Variants in TRERF1 observed in about 807,000 individuals in gnomAD.
TRERF1 encodes the protein transcriptional regulating factor 1, also known as transcriptional-regulating factor 1.
In TRERF1, 27 loss-of-function variants were observed where a neutral mutation model predicts 122.9. The observed-to-expected ratio is 0.22, with a 90% CI of 0.16 to 0.30. The LOEUF is 0.30. Ranked by LOEUF, TRERF1 falls within the 10% of genes least tolerant of loss-of-function variation. The probability of loss-of-function intolerance (pLI) is 1.00; values close to 1 mark genes in which losing one functional copy is unlikely to be tolerated. For missense variants in TRERF1, 1,248 were observed against 1,560.3 expected (o/e 0.80, Z 3.37); for synonymous variants, 636 against 641.7 (o/e 0.99, Z 0.13).
At chr6:42,281,046 C>T in intron 4 of TRERF1, among the ~76,000 whole-genome samples, 1 of 152,138 alleles carries the variant, frequency 6.6e-6, no homozygotes, top group Non-Finnish European at 1.5e-5. Flanking sequence ...TACTGAGAGG[C>T]CTCAGGGGAT....
chr6:42,328,108 C>A (rs565255963), intron 3 of TRERF1, among the ~76,000 whole-genome samples: 1 of 148,638 alleles, frequency 6.7e-6, no homozygotes, highest in Non-Finnish European at 1.5e-5. Flanking sequence ...CGGGTTCAGG[C>A]GATTCTCATG....
intron 2 of TRERF1, among the ~76,000 whole-genome samples, chr6:42,417,572 T>C (rs1385290745): frequency 6.6e-6 from 1 of 151,946 alleles, no homozygotes; most frequent in Non-Finnish European, 1.5e-5. Context: ...TCCAAGGGTA[T>C]AAAGAGGAGG....
At chr6:42,279,228 G>A (rs1400262400) in intron 4 of TRERF1, among the ~76,000 whole-genome samples, 1 of 152,148 alleles carries the variant, frequency 6.6e-6, no homozygotes, top group African/African-American at 2.4e-5. Context: ...CTCCGGGAAG[G>A]TCTCTGCAGG....
chr6:42,367,929 C>T (rs1267158775), intron 2 of TRERF1, among the ~76,000 whole-genome samples: 3 of 152,144 alleles, frequency 2.0e-5, no homozygotes, highest in African/African-American at 4.8e-5. Context: ...GGCCCTTTAG[C>T]ATTCCACAAT....
At chr6:42,429,422 G>C (rs535997164) in intron 2 of TRERF1, among the ~76,000 whole-genome samples, 8 of 152,284 alleles carry the variant, frequency 5.3e-5, no homozygotes, top group African/African-American at 1.4e-4. Flanking sequence ...ACCACGGAGG[G>C]GGGGAAATGG....
Position 42,268,390 on chromosome 6 carries a change from G to A in TRERF1, c.1201C>T (p.Gln401Ter). The stretch of plus-strand genomic sequence containing the variant: ...GTCTTCAGCTGACTGTCCTCACGCT[G>A]CTGGTGCTGGGACAGGTGGCTCTGC... Residue 401 changes from glutamine (Q) to a stop codon, truncating the protein, a stop_gained, in exon 5 of 18, where the codon CAG (glutamine) becomes TAG (stop). Coordinates refer to ENST00000372922, the Ensembl canonical transcript of TRERF1. LOFTEE classifies it high-confidence loss of function. The surrounding 1 kb of genome is among the most constrained non-coding windows in gnomAD (Gnocchi z 4.4). 1 of 1,543,076 alleles carries A rather than the reference G, an allele frequency of 6.5e-7. No individual in the cohort carries two copies. The highest frequency in any genetic ancestry group is 8.7e-7 in the Non-Finnish European group (1 of 1,146,114).
At chr6:42,433,926 G>C (rs1251328699) in intron 2 of TRERF1, among the ~76,000 whole-genome samples, 1 of 152,138 alleles carries the variant, frequency 6.6e-6, no homozygotes, top group African/African-American at 2.4e-5. Context: ...GGGAGGCTGA[G>C]TCAGGAGGAC....
intron 8 of TRERF1, among the ~76,000 whole-genome samples, chr6:42,261,815 C>CCTT (rs1777927471): frequency 6.6e-6 from 1 of 152,176 alleles, no homozygotes; most frequent in East Asian, 1.9e-4. Context: ...CAAGTTCATC[C>CCTT]CTTCCTTCAA....
chr6:42,308,482 G>C (rs1438386759), intron 3 of TRERF1, among the ~76,000 whole-genome samples: 1 of 152,088 alleles, frequency 6.6e-6, no homozygotes, highest in East Asian at 1.9e-4. Context: ...AATGGTGAGT[G>C]GGTACAGGGT....
At chr6:42,283,726 C>A (rs1782713805) in intron 4 of TRERF1, among the ~76,000 whole-genome samples, 1 of 150,744 alleles carries the variant, frequency 6.6e-6, no homozygotes, top group South Asian at 2.1e-4. Context: ...AAGTGAGTCT[C>A]CTGCCTCAGC....
At chr6:42,405,450 C>T (rs111888822) in intron 2 of TRERF1, among the ~76,000 whole-genome samples, 2,863 of 152,146 alleles carry the variant, frequency 0.019, 84 homozygotes, top group African/African-American at 0.064. Flanking sequence ...AGATGATGTA[C>T]GTTCAATTAC....
rs1314773897 is a variant in TRERF1 at position 42,259,886 on chromosome 6, A to G, written c.1885-163T>C. On this transcript the variant is annotated intron_variant, in intron 8 of 17. Transcript: ENST00000372922. The surrounding 1 kb of genome is among the most constrained non-coding windows in gnomAD (Gnocchi z 4.9). ...ATTCTGACCACATCCATTTTAGGCA[A>G]AGCGAGTTCTGGTTGCTAGACTAGG... Among the ~76,000 whole-genome samples, 1 of 151,998 alleles carries G rather than the reference A, an allele frequency of 6.6e-6. No individual in the cohort carries two copies. Among genetic ancestry groups the G allele is most frequent in the Non-Finnish European group, 1.5e-5 (1 of 67,982 alleles).
chr6:42,360,090 CAT>C (rs890700489), intron 3 of TRERF1, among the ~76,000 whole-genome samples: 1 of 152,146 alleles, frequency 6.6e-6, no homozygotes, highest in Non-Finnish European at 1.5e-5. Flanking sequence ...TAAACATGCA[CAT>C]AAAAACATAA....
intron 4 of TRERF1, among the ~76,000 whole-genome samples, chr6:42,286,133 A>G (rs1393300227): frequency 6.7e-6 from 1 of 148,970 alleles, no homozygotes; most frequent in Non-Finnish European, 1.5e-5. Flanking sequence ...CTTATACAAA[A>G]ATCAATTCAA....
chr6:42,293,251 G>A lies in TRERF1; in HGVS notation c.-259+7387C>T, dbSNP rs114398330. Reference sequence around the variant, plus strand: ...TCTCATACCCATTATTTCTCTGTGAGGCAGGCCCAGCAGGAGGTTTTATTT... The same window carrying A: ...TCTCATACCCATTATTTCTCTGTGAAGCAGGCCCAGCAGGAGGTTTTATTT... On this transcript the variant is annotated intron_variant, in intron 4 of 17. Coordinates refer to ENST00000372922, the Ensembl canonical transcript of TRERF1. Among the ~76,000 whole-genome samples, 945 of 152,336 alleles carry A rather than the reference G, an allele frequency of 6.2e-3. 6 individuals are homozygous for A. The highest frequency in any genetic ancestry group is 0.022 in the African/African-American group (910 of 41,574).
rs146305137 is a variant in TRERF1 at position 42,349,484 on chromosome 6, T to C, written c.-371+13513A>G. On this transcript the variant is annotated intron_variant, in intron 3 of 17. Coordinates refer to ENST00000372922, the Ensembl canonical transcript of TRERF1. Reference sequence around the variant, plus strand: ...TGAAAATATGGTTAAAGTAATGCTATAAACCCTTCTAACTCCTCACGAAAC... The same window carrying C: ...TGAAAATATGGTTAAAGTAATGCTACAAACCCTTCTAACTCCTCACGAAAC... Among the ~76,000 whole-genome samples, 224 of 152,182 alleles carry C rather than the reference T, an allele frequency of 1.5e-3. 1 individual carries two copies. The highest frequency in any genetic ancestry group is 0.012 in the East Asian group (63 of 5,182).
At chr6:42,334,372 G>A (rs1002214797) in intron 3 of TRERF1, among the ~76,000 whole-genome samples, 1 of 152,102 alleles carries the variant, frequency 6.6e-6, no homozygotes, top group Non-Finnish European at 1.5e-5. Flanking sequence ...AAGTTGTAAA[G>A]CAACTGAAGT....
intron 14 of TRERF1, among the ~76,000 whole-genome samples, chr6:42,244,432 C>T (rs1203088255): frequency 2.0e-5 from 3 of 152,226 alleles, no homozygotes; most frequent in South Asian, 4.1e-4. Flanking sequence ...GATCCGCCTG[C>T]CTTGGCCTCC....
chr6:42,277,902 GAAGGAAGAAGAA>G lies in TRERF1; in HGVS notation c.-258-8066_-258-8055del, dbSNP rs1781486910. Among the ~76,000 whole-genome samples the G allele has an allele frequency of 1.7e-4, 16 of 96,532 alleles. 1 individual carries two copies. In the Admixed American group the frequency reaches 1.8e-3, roughly 11 times the overall value. The allele number at this position is 96,532 out of a possible 152,430, so 63.3% of individuals were successfully genotyped here. A position where few individuals can be genotyped will look rare whatever the true frequency, so the allele number is the denominator to read the frequency against. The stretch of plus-strand genomic sequence containing the variant: ...GGAAGAAGGAAGAAGGAAGAAGGAA[GAAGGAAGAAGAA>G]GAAGAAGAAGAAGAAGAAGAAGAAG... On this transcript the variant is annotated intron_variant, in intron 4 of 17. Coordinates refer to ENST00000372922, the Ensembl canonical transcript of TRERF1.
Sources: allele counts gnomAD v4.1 joint callset (sites outside exome capture counted in the v4.1 genomes callset), GRCh38; gene constraint gnomAD v4.1.1; non-coding constraint Gnocchi (gnomAD v3.1); transcripts MANE v1.5; gene names NCBI Gene and HGNC (gene_info 2026-07-23, HGNC 2026-07-21).